Variants in LCLAT1 observed in about 807,000 individuals in gnomAD.
LCLAT1 encodes the protein lysocardiolipin acyltransferase 1, also known as 1-AGP acyltransferase 8.
LCLAT1 carries 11 observed loss-of-function variants against 30.7 expected under a neutral mutation model. The ratio of observed to expected loss-of-function variants is 0.36; its 90% CI spans 0.23 to 0.59. The LOEUF (loss-of-function observed/expected upper bound fraction) is 0.59, where lower values mean the gene tolerates loss of function less well. Ranked by LOEUF, LCLAT1 falls within the 20% of genes least tolerant of loss-of-function variation. LCLAT1 has a pLI of 0.77. For missense variants in LCLAT1, 402 were observed against 458.6 expected, an observed-to-expected ratio of 0.88 and a Z score of 1.13; for synonymous variants, 155 against 151.3, an observed-to-expected ratio of 1.02 and a Z score of -0.18.
chr2:30,615,257 A>T (rs1464300968), intron 5 of LCLAT1, among the ~76,000 whole-genome samples: 2 of 152,048 alleles, frequency 1.3e-5, no homozygotes, highest in African/African-American at 4.8e-5. Context: ...AGGTGGAGGG[A>T]TTGGCCCTAA....
At chr2:30,626,915 T>G (rs1382159647) in intron 5 of LCLAT1, among the ~76,000 whole-genome samples, 2 of 152,180 alleles carry the variant, frequency 1.3e-5, no homozygotes, top group Non-Finnish European at 2.9e-5. Flanking sequence ...AATATTTTAT[T>G]ATTTATTTTT....
At chr2:30,624,039 C>T (rs919027326) in intron 5 of LCLAT1, among the ~76,000 whole-genome samples, 3 of 152,108 alleles carry the variant, frequency 2.0e-5, no homozygotes, top group Non-Finnish European at 2.9e-5. Flanking sequence ...AGGAAAGATA[C>T]AGTCTTTTTC....
Position 30,525,771 on chromosome 2 carries a change from G to C in LCLAT1, c.165+16G>C, listed in dbSNP as rs755321786. On this transcript the variant is annotated intron_variant, in intron 2 of 5. Coordinates refer to ENST00000379509, the MANE Select transcript of LCLAT1 (RefSeq NM_001002257.3). ...CCTACCTGTGGTAAGTTACACACCA[G>C]AGGAGACTGTCTGCTTGTACTAGAG... 2.5e-6 allele frequency: 4 copies of C among 1,613,348 alleles called. No individual in the cohort carries two copies.
chr2:30,464,563 C>G (rs1359914314), intron 1 of LCLAT1, among the ~76,000 whole-genome samples: 1 of 152,186 alleles, frequency 6.6e-6, no homozygotes, highest in Non-Finnish European at 1.5e-5. Context: ...AAAGAACGCT[C>G]TGTTTTTATT....
At chr2:30,588,892 G>A (rs1168360441) in intron 5 of LCLAT1, among the ~76,000 whole-genome samples, 5 of 152,050 alleles carry the variant, frequency 3.3e-5, no homozygotes, top group African/African-American at 4.8e-5. Context: ...GAGCCACAGC[G>A]CCCTGCCACT....
rs199710633 is a variant in LCLAT1, at chr2:30,457,474, A to G, written c.-5+10091A>G. ...TTTTACAACCTTGTAAGTTGTGAAT[A>G]ACAATAATACAAATTATTCTTGCCC... On this transcript the variant is annotated intron_variant, in intron 1 of 5. Transcript: ENST00000379509. Among the ~76,000 whole-genome samples, 46 of 152,376 alleles carry G rather than the reference A, an allele frequency of 3.0e-4. 1 individual carries two copies. The East Asian group carries it at 8.5e-3, about 28-fold the overall frequency.
chr2:30,527,028 T>C (rs1685753566), intron 2 of LCLAT1, among the ~76,000 whole-genome samples: 1 of 152,194 alleles, frequency 6.6e-6, no homozygotes, highest in Non-Finnish European at 1.5e-5. Flanking sequence ...TCACTCTCTA[T>C]TTACAAGGTG....
In LCLAT1 at chr2:30,632,516, T is replaced by G. The variant is rs554772620; in HGVS notation, c.629-7601T>G. On this transcript the variant is annotated intron_variant, in intron 5 of 5. Transcript: ENST00000379509. Reference sequence around the variant, plus strand: ...TGCATGTTGAGAATAAACCACATCATGCCCTATAACAGACTTCATCTCTCT... The same window carrying G: ...TGCATGTTGAGAATAAACCACATCAGGCCCTATAACAGACTTCATCTCTCT... 6.6e-5 allele frequency among the ~76,000 whole-genome samples: 10 copies of G among 152,338 alleles called. 1 individual carries two copies. In the East Asian group the frequency reaches 1.9e-3, roughly 29 times the overall value.
intron 1 of LCLAT1, among the ~76,000 whole-genome samples, chr2:30,523,373 C>T (rs939690828): frequency 6.6e-6 from 1 of 151,840 alleles, no homozygotes; most frequent in Non-Finnish European, 1.5e-5. Flanking sequence ...TAACACAGAC[C>T]ACTCTAGGCC....
intron 2 of LCLAT1, among the ~76,000 whole-genome samples, chr2:30,528,170 T>G (rs549358495): frequency 6.6e-6 from 1 of 152,226 alleles, no homozygotes; most frequent in African/African-American, 2.4e-5. Context: ...TCACTTTTGC[T>G]TACTCTATTG....
At chr2:30,456,900 T>A (rs1681865791) in intron 1 of LCLAT1, among the ~76,000 whole-genome samples, 1 of 152,202 alleles carries the variant, frequency 6.6e-6, no homozygotes, top group Admixed American at 6.5e-5. Flanking sequence ...AAGCGAAAGT[T>A]GGACAGGGAT....
intron 1 of LCLAT1, among the ~76,000 whole-genome samples, chr2:30,504,081 C>CGTGTGT (rs10632288): frequency 0.32 from 48,768 of 150,766 alleles, 8,326 homozygotes; most frequent in Non-Finnish European, 0.4. Flanking sequence ...AAGGGACTTA[C>CGTGTGT]GTGTGTGTGT....
At position 30,546,291 on chromosome 2, in the gene LCLAT1, C is replaced by A. The variant is rs183579040; in HGVS notation, c.364+12977C>A. 3.9e-3 allele frequency among the ~76,000 whole-genome samples: 598 copies of A among 152,286 alleles called. 3 individuals are homozygous for A. Among genetic ancestry groups the A allele is most frequent in the African/African-American group, 0.013 (553 of 41,576 alleles). On this transcript the variant is annotated intron_variant, in intron 3 of 5. Transcript: ENST00000379509. ...GAAGTTCAGCCTCCCAGAATATAAACTGCCAAAATATTAAATAATTTTTTT... is the reference window on the plus strand; with the variant it reads ...GAAGTTCAGCCTCCCAGAATATAAAATGCCAAAATATTAAATAATTTTTTT...
chr2:30,582,893 A>G (rs1456667527), intron 5 of LCLAT1, among the ~76,000 whole-genome samples: 1 of 152,216 alleles, frequency 6.6e-6, no homozygotes, highest in African/African-American at 2.4e-5. Flanking sequence ...CTTAAGTTCC[A>G]TTGGCTAATA....
chr2:30,642,598 G>A lies in LCLAT1; in HGVS notation c.*1979G>A, dbSNP rs543946337. ...CCCCAAAGTTGTTGGTAATGGAGCCGGTCTGCCCTTCCTACAAACTCAAGA... is the reference window on the plus strand; with the variant it reads ...CCCCAAAGTTGTTGGTAATGGAGCCAGTCTGCCCTTCCTACAAACTCAAGA... On this transcript the variant is annotated 3_prime_UTR_variant, in exon 6 of 6. Coordinates refer to ENST00000379509, the MANE Select transcript of LCLAT1 (RefSeq NM_001002257.3). 3.9e-5 allele frequency: 6 copies of A among 151,930 alleles called. No individual in the cohort carries two copies. The highest frequency in any genetic ancestry group is 1.9e-4 in the East Asian group (1 of 5,176). 9.4% of individuals were successfully genotyped at this position (151,930 alleles called of 1,614,324 possible).
At chr2:30,531,131 G>A (rs1352593603) in intron 2 of LCLAT1, among the ~76,000 whole-genome samples, 1 of 152,108 alleles carries the variant, frequency 6.6e-6, no homozygotes, top group East Asian at 1.9e-4. Flanking sequence ...TGGGTGTGGT[G>A]GCGGGCACCT....
At position 30,537,120 on chromosome 2, in the gene LCLAT1, G is replaced by A. The variant is rs148256100; in HGVS notation, c.364+3806G>A. ...AAGTTGGCCGGGCGCGGTGGCTCACGCCTGTAATCCCAGCACTTTGGGAGG... is the reference window on the plus strand; with the variant it reads ...AAGTTGGCCGGGCGCGGTGGCTCACACCTGTAATCCCAGCACTTTGGGAGG... On this transcript the variant is annotated intron_variant, in intron 3 of 5. Coordinates refer to ENST00000379509, the MANE Select transcript of LCLAT1 (RefSeq NM_001002257.3). 1.8e-3 allele frequency among the ~76,000 whole-genome samples: 279 copies of A among 152,284 alleles called. 2 individuals carry two copies. The East Asian group carries it at 0.029, about 16-fold the overall frequency.
chr2:30,542,684 A>G (rs1239940783), intron 3 of LCLAT1, among the ~76,000 whole-genome samples: 1 of 152,066 alleles, frequency 6.6e-6, no homozygotes, highest in Non-Finnish European at 1.5e-5. Flanking sequence ...CCTTTGCAGT[A>G]CTTGTAGTTT....
In LCLAT1 at chr2:30,607,325, C is replaced by G. The variant is rs183080074; in HGVS notation, c.629-32792C>G. On this transcript the variant is annotated intron_variant, in intron 5 of 5. Coordinates refer to ENST00000379509, the MANE Select transcript of LCLAT1 (RefSeq NM_001002257.3). ...TGCTGGGATTACAGGCATGAGCCAC[C>G]GCGCCCAGCCAAGGAAATATCTTTA... The G allele has an allele frequency of 3.3e-5, 5 of 152,200 alleles. No homozygotes were observed. The South Asian group carries it at 8.4e-4, about 26-fold the overall frequency. 9.4% of individuals were successfully genotyped at this position (152,200 alleles called of 1,614,324 possible). A position where few individuals can be genotyped will look rare whatever the true frequency, so the allele number is the denominator to read the frequency against.
Sources: allele counts gnomAD v4.1 joint callset (sites outside exome capture counted in the v4.1 genomes callset), GRCh38; gene constraint gnomAD v4.1.1; transcripts MANE v1.5; gene names NCBI Gene and HGNC (gene_info 2026-07-23, HGNC 2026-07-21).